ADGRL2: variants seen among roughly 807,000 people sequenced by gnomAD.
ADGRL2 encodes the protein adhesion G protein-coupled receptor L2, also known as calcium-independent alpha-latrotoxin receptor 2.
A neutral mutation model predicts 157.4 loss-of-function variants in ADGRL2; 44 were observed. The ratio of observed to expected loss-of-function variants is 0.28; its 90% CI spans 0.22 to 0.36. ADGRL2 has a LOEUF of 0.36. Ranked by LOEUF, ADGRL2 falls within the 10% of genes least tolerant of loss-of-function variation. The pLI is 1.00. For missense variants in ADGRL2, 1,510 were observed against 1,768.9 expected, an observed-to-expected ratio of 0.85 and a Z score of 2.63; for synonymous variants, 585 against 624.7, an observed-to-expected ratio of 0.94 and a Z score of 0.95.
chr1:81,819,528 G>A (rs543600284), intron 1 of ADGRL2, among the ~76,000 whole-genome samples: 1 of 151,958 alleles, frequency 6.6e-6, no homozygotes. Flanking sequence ...AAATGTTTTC[G>A]AGTGTATACC....
At chr1:81,343,220 G>T (rs189400636) in intron 1 of ADGRL2, among the ~76,000 whole-genome samples, 1 of 150,742 alleles carries the variant, frequency 6.6e-6, no homozygotes, top group African/African-American at 2.4e-5. Flanking sequence ...CTCCTGAGTA[G>T]CTGGGATTAC....
chr1:81,500,527 A>G (rs900163515), intron 2 of ADGRL2, among the ~76,000 whole-genome samples: 4 of 152,330 alleles, frequency 2.6e-5, no homozygotes, highest in African/African-American at 9.6e-5. Context: ...GAAGATATGC[A>G]AAGTGAAATA....
chr1:81,822,121 G>A (rs1046483948), intron 1 of ADGRL2, among the ~76,000 whole-genome samples: 1 of 146,042 alleles, frequency 6.8e-6, no homozygotes, highest in Non-Finnish European at 1.5e-5. Flanking sequence ...CCCACAATTG[G>A]CTGTTGAACT....
intron 1 of ADGRL2, among the ~76,000 whole-genome samples, chr1:81,380,843 A>C (rs2076332109): frequency 6.6e-6 from 1 of 151,902 alleles, no homozygotes; most frequent in African/African-American, 2.4e-5. Context: ...TTCTTTTTAA[A>C]TGAATGGTAG....
intron 3 of ADGRL2, among the ~76,000 whole-genome samples, chr1:81,676,853 A>T (rs1382584224): frequency 4.7e-5 from 7 of 150,006 alleles, no homozygotes; most frequent in Admixed American, 4.0e-4. Flanking sequence ...CACCTGGCTA[A>T]TTTTTTTTGT....
intron 23 of ADGRL2, chr1:81,989,605 G>C: frequency 6.5e-7 from 1 of 1,544,820 alleles, no homozygotes; most frequent in Non-Finnish European, 8.9e-7. Context: ...GAGAAGCTTA[G>C]AAATTCTTCA....
At chr1:81,762,008 T>C (rs1328197584) in intron 2 of ADGRL2, among the ~76,000 whole-genome samples, 1 of 152,126 alleles carries the variant, frequency 6.6e-6, no homozygotes, top group Non-Finnish European at 1.5e-5. Context: ...GATGCTGTAT[T>C]CAAATTCTAT....
chr1:81,507,154 T>A (rs1172441140), intron 2 of ADGRL2, among the ~76,000 whole-genome samples: 1 of 152,108 alleles, frequency 6.6e-6, no homozygotes. Flanking sequence ...GAAGCTTCTC[T>A]GATAGGATGC....
intron 3 of ADGRL2, 103 bp from the exon 4 acceptor site, chr1:81,936,625 T>C: frequency 1.7e-6 from 1 of 584,122 alleles, no homozygotes; most frequent in Non-Finnish European, 3.0e-6. Context: ...TTGTTTTATG[T>C]TTCTGGTTGC....
At chr1:81,695,189 A>G (rs1262818049), upstream of ADGRL2, among the ~76,000 whole-genome samples, 4 of 152,178 alleles carry the variant, frequency 2.6e-5, no homozygotes, top group East Asian at 7.7e-4. Flanking sequence ...TCTTGATAAC[A>G]TACCGTCCTT....
chr1:81,592,938 G>T (rs763227656), intron 3 of ADGRL2, among the ~76,000 whole-genome samples: 18 of 152,032 alleles, frequency 1.2e-4, no homozygotes, highest in Non-Finnish European at 2.4e-4. Flanking sequence ...CTGGGTATGG[G>T]TACTTTCCTA....
At chr1:81,753,910 T>G (rs981597390) in intron 1 of ADGRL2, among the ~76,000 whole-genome samples, 1 of 152,214 alleles carries the variant, frequency 6.6e-6, no homozygotes, top group Non-Finnish European at 1.5e-5. Flanking sequence ...GACCATCTTT[T>G]GAATATATGA....
intron 1 of ADGRL2, among the ~76,000 whole-genome samples, chr1:81,754,628 TTTC>T (rs1050396372): frequency 8.7e-5 from 13 of 149,198 alleles, no homozygotes; most frequent in South Asian, 4.3e-4. Context: ...TTCTCTCTTC[TTTC>T]TTCTTTTCCT....
At chr1:81,446,433 T>C (rs574573261) in intron 2 of ADGRL2, among the ~76,000 whole-genome samples, 3 of 152,162 alleles carry the variant, frequency 2.0e-5, no homozygotes, top group Non-Finnish European at 4.4e-5. Context: ...TGAGCCTATA[T>C]AGGGCCAATG....
chr1:81,478,991 C>A (rs1460022047), intron 2 of ADGRL2, among the ~76,000 whole-genome samples: 1 of 151,928 alleles, frequency 6.6e-6, no homozygotes, highest in Admixed American at 6.6e-5. Context: ...TTCTGTTTTT[C>A]CATACAGTTA....
intron 1 of ADGRL2, among the ~76,000 whole-genome samples, chr1:81,734,608 C>T (rs1016414708): frequency 4.1e-5 from 6 of 147,170 alleles, no homozygotes; most frequent in Admixed American, 2.0e-4. Flanking sequence ...CCACAGGAAA[C>T]GAATACAGTT....
intron 1 of ADGRL2, among the ~76,000 whole-genome samples, chr1:81,385,591 G>T (rs567231640): frequency 7.6e-5 from 10 of 131,578 alleles, no homozygotes; most frequent in Admixed American, 6.7e-4. Flanking sequence ...GTTTTGGGGA[G>T]AGTGGCAAAA....
chr1:81,371,443 A>G (rs2076158915), intron 1 of ADGRL2, among the ~76,000 whole-genome samples: 1 of 152,240 alleles, frequency 6.6e-6, no homozygotes, highest in African/African-American at 2.4e-5. Flanking sequence ...GGGTTTCCAA[A>G]ACTAATGTTT....
chr1:81,484,386 T>G (rs1271324024), intron 2 of ADGRL2, among the ~76,000 whole-genome samples: 1 of 152,150 alleles, frequency 6.6e-6, no homozygotes, highest in Non-Finnish European at 1.5e-5. Flanking sequence ...ACACAGACCC[T>G]TGTAGACATC....
Sources: allele counts gnomAD v4.1 joint callset (sites outside exome capture counted in the v4.1 genomes callset), GRCh38; gene constraint gnomAD v4.1.1; transcripts MANE v1.5; gene names NCBI Gene and HGNC (gene_info 2026-07-23, HGNC 2026-07-21).